Variants in ALDH5A1 observed in about 807,000 individuals in gnomAD.
ALDH5A1 encodes the protein aldehyde dehydrogenase 5 family member A1, also known as succinate-semialdehyde dehydrogenase, mitochondrial.
In ALDH5A1, 33 loss-of-function variants were observed where a neutral mutation model predicts 54.7. The ratio of observed to expected loss-of-function variants is 0.60; its 90% CI spans 0.46 to 0.81. The LOEUF is 0.81. Ranked by LOEUF, ALDH5A1 falls within the 30% of genes least tolerant of loss-of-function variation. The pLI is 0.00. For missense variants in ALDH5A1, 657 were observed against 711.0 expected (o/e 0.92, Z 0.86); for synonymous variants, 294 against 292.7 (o/e 1.00, Z -0.05).
At chr6:24,520,596 T>A in intron 6 of ALDH5A1, 52 bp downstream of exon 6, 17 of 1,600,786 alleles carry the variant, frequency 1.1e-5, no homozygotes, top group Non-Finnish European at 1.4e-5. Context: ...CATGTGTGAG[T>A]GTGTGTATGT....
chr6:24,503,472 T>G, intron 3 of ALDH5A1, 39 bp downstream of exon 3: 1 of 1,603,374 alleles, frequency 6.2e-7, no homozygotes, highest in South Asian at 1.1e-5. Flanking sequence ...GGTGGGAGAT[T>G]GGATAGGGAG....
intron 7 of ALDH5A1, among the ~76,000 whole-genome samples, chr6:24,526,096 A>G (rs1759792903): frequency 6.6e-6 from 1 of 152,158 alleles, no homozygotes; most frequent in African/African-American, 2.4e-5. Flanking sequence ...AATAAACCCA[A>G]GCTTAAAACA....
rs183811917 is a variant in ALDH5A1 at position 24,498,975 on chromosome 6, C to T, written c.355-3548C>T. 7.9e-5 allele frequency among the ~76,000 whole-genome samples: 12 copies of T among 152,056 alleles called. No individual in the cohort carries two copies. The East Asian group carries it at 1.9e-3, about 24-fold the overall frequency. On this transcript the variant is annotated intron_variant, in intron 1 of 9. Transcript: ENST00000357578. The stretch of plus-strand genomic sequence containing the variant: ...ATCAGCTGGGCGTGGTGGTGGGCGC[C>T]TGTAATCCCAGCTACTCAGGAGGCT...
chr6:24,532,925 G>A (rs12213400), intron 9 of ALDH5A1, among the ~76,000 whole-genome samples: 7,129 of 152,232 alleles, frequency 0.047, 233 homozygotes, highest in Non-Finnish European at 0.068. Flanking sequence ...TCGATGGGGT[G>A]ATGGTGGAGG....
chr6:24,499,419 C>T (rs1359259689), intron 1 of ALDH5A1, among the ~76,000 whole-genome samples: 1 of 152,014 alleles, frequency 6.6e-6, no homozygotes, highest in Non-Finnish European at 1.5e-5. Context: ...TCTAGGCCTT[C>T]CTCATTTTCT....
intron 4 of ALDH5A1, among the ~76,000 whole-genome samples, chr6:24,513,738 G>C (rs2127385303): frequency 6.9e-6 from 1 of 144,676 alleles, no homozygotes; most frequent in East Asian, 2.1e-4. Context: ...CCCACTTACA[G>C]CTGCTGTTCT....
At chr6:24,502,098 G>A (rs1346186203) in intron 1 of ALDH5A1, among the ~76,000 whole-genome samples, 1 of 152,084 alleles carries the variant, frequency 6.6e-6, no homozygotes, top group Non-Finnish European at 1.5e-5. Context: ...GATATGTCCA[G>A]TCTGAGTTCC....
Position 24,532,168 on chromosome 6 carries a change from G to A in ALDH5A1, c.1393G>A (p.Gly465Arg). ...AGCAATCGCTAACGCAGCTGATGTT[G>A]GGTTAGCAGGTAGGTGTTTGTCCTT... is the stretch of plus-strand genomic sequence containing the variant. Reference protein sequence around the residue: ...AIAIANAADVGLAGYFYSQDP... With the variant: ...AIAIANAADVRLAGYFYSQDP... The change falls in exon 9 of 10, where the codon GGG (glycine) becomes AGG (arginine). Residue 465 changes from glycine to arginine, a missense_variant. Gly to Arg is a moderately radical substitution (Grantham distance 125, BLOSUM62 -2). This residue lies in a region of ALDH5A1 where 425 missense variants were observed against 516.4 expected (regional missense o/e 0.82). Transcript: ENST00000357578. 6.2e-7 allele frequency: 1 copy of A among 1,614,128 alleles called. No homozygotes were observed. The highest frequency in any genetic ancestry group is 1.3e-5 in the African/African-American group (1 of 75,050).
intron 8 of ALDH5A1, among the ~76,000 whole-genome samples, chr6:24,528,977 C>G (rs1319750137): frequency 2.0e-5 from 3 of 151,936 alleles, no homozygotes; most frequent in Non-Finnish European, 4.4e-5. Flanking sequence ...GTGCTCAGAC[C>G]TGAACTCATT....
Position 24,516,455 on chromosome 6 carries a change from A to AC in ALDH5A1, c.870+1145_870+1146insC, listed in dbSNP as rs1554137281. 1.9e-4 allele frequency among the ~76,000 whole-genome samples: 27 copies of AC among 139,280 alleles called. 1 individual carries two copies. The highest frequency in any genetic ancestry group is 2.2e-4 in the South Asian group (1 of 4,456). 91.4% of individuals were successfully genotyped at this position (139,280 alleles called of 152,430 possible). A position where few individuals can be genotyped will look rare whatever the true frequency, so the allele number is the denominator to read the frequency against. The stretch of plus-strand genomic sequence containing the variant: ...GACTCTGTCTCAAAAAAAAAAAAAA[A>AC]AAAATTAAAAATTAAAAAAAATAAA... On this transcript the variant is annotated intron_variant, in intron 5 of 9. Coordinates refer to ENST00000357578, the MANE Select transcript of ALDH5A1 (RefSeq NM_001080.3).
chr6:24,528,895 T>G (rs1163515653), intron 8 of ALDH5A1, among the ~76,000 whole-genome samples: 1 of 151,944 alleles, frequency 6.6e-6, no homozygotes, highest in Non-Finnish European at 1.5e-5. Flanking sequence ...CAGGCTGTTC[T>G]TGAACTCCTG....
intron 1 of ALDH5A1, among the ~76,000 whole-genome samples, chr6:24,499,101 CAAAAAAA>C (rs35062384): frequency 5.5e-5 from 5 of 91,256 alleles, no homozygotes; most frequent in Admixed American, 1.3e-4. Context: ...GACTCTGTCT[CAAAAAAA>C]AAAAAAAAAA....
intron 5 of ALDH5A1, among the ~76,000 whole-genome samples, chr6:24,519,722 C>T (rs535204014): frequency 4.0e-5 from 6 of 149,612 alleles, no homozygotes; most frequent in South Asian, 2.1e-4. Context: ...AAGCAGGTTA[C>T]GAAACGGTAT....
chr6:24,519,044 C>G (rs1177913296), intron 5 of ALDH5A1, among the ~76,000 whole-genome samples: 4 of 152,158 alleles, frequency 2.6e-5, no homozygotes, highest in Non-Finnish European at 5.9e-5. Flanking sequence ...ATTGAGCTAG[C>G]AATTCTACAT....
At chr6:24,513,233 T>C (rs1453017763) in intron 4 of ALDH5A1, among the ~76,000 whole-genome samples, 2 of 152,022 alleles carry the variant, frequency 1.3e-5, no homozygotes, top group African/African-American at 4.8e-5. Flanking sequence ...CTAATTTTGT[T>C]TTTTATTTTT....
chr6:24,524,980 A>G (rs920630760), intron 7 of ALDH5A1, among the ~76,000 whole-genome samples: 46 of 152,206 alleles, frequency 3.0e-4, no homozygotes, highest in African/African-American at 1.1e-3. Flanking sequence ...CCCAAAGGGA[A>G]GACGCAGACA....
At chr6:24,497,221 C>A (rs184010092) in intron 1 of ALDH5A1, among the ~76,000 whole-genome samples, 2 of 152,226 alleles carry the variant, frequency 1.3e-5, no homozygotes, top group East Asian at 3.9e-4. Context: ...GCTTTTTATT[C>A]CCTTATTTAT....
intron 7 of ALDH5A1, among the ~76,000 whole-genome samples, chr6:24,525,695 AAAACAGAAGTC>A (rs1016807941): frequency 1.3e-5 from 1 of 77,576 alleles, no homozygotes; most frequent in Non-Finnish European, 2.5e-5. Context: ...CCTGAGCAAC[AAAACAGAAGTC>A]AAAACAGAAG....
intron 9 of ALDH5A1, among the ~76,000 whole-genome samples, chr6:24,533,055 G>T (rs1445002109): frequency 2.0e-5 from 3 of 152,180 alleles, no homozygotes; most frequent in Non-Finnish European, 4.4e-5. Flanking sequence ...AAGAAAGGGT[G>T]AGGAGAATTT....
Sources: gnomAD v4.1 joint callset for allele counts (sites outside exome capture counted in the v4.1 genomes callset) on GRCh38, gnomAD v4.1.1 for gene constraint, gnomAD v4.1.1 regional missense constraint, MANE v1.5 for transcripts, NCBI Gene and HGNC (gene_info 2026-07-23, HGNC 2026-07-21) for gene names.